The following LHFPL6 variants were observed in gnomAD, a reference collection of about 807,000 sequenced individuals.
LHFPL6 encodes LHFPL tetraspan subfamily member 6 protein.
A neutral mutation model predicts 20.6 loss-of-function variants in LHFPL6; 9 were observed. The ratio of observed to expected loss-of-function variants is 0.44; its 90% confidence interval spans 0.26 to 0.76. LHFPL6 has a LOEUF of 0.76. LHFPL6 is among the 30% of genes least tolerant of loss of function. The pLI is 0.20. For missense variants in LHFPL6, 218 were observed against 253.5 expected (o/e 0.86, Z 0.95); for synonymous variants, 105 against 98.7 (o/e 1.06, Z -0.38).
At chr13:39,426,574 A>AATT (rs1352313970) in intron 2 of LHFPL6, among the ~76,000 whole-genome samples, 1 of 152,168 alleles carries the variant, frequency 6.6e-6, no homozygotes, top group Non-Finnish European at 1.5e-5. Flanking sequence ...AGGTATGTGA[A>AATT]ATTATACAGT....
At chr13:39,370,361 T>C (rs985379643) in intron 3 of LHFPL6, among the ~76,000 whole-genome samples, 1 of 152,226 alleles carries the variant, frequency 6.6e-6, no homozygotes, top group African/African-American at 2.4e-5. Context: ...TCCAGGCTCA[T>C]GCTGGACCTT....
chr13:39,456,467 AC>A (rs1566115558), intron 2 of LHFPL6, among the ~76,000 whole-genome samples: 1 of 152,234 alleles, frequency 6.6e-6, no homozygotes, highest in Non-Finnish European at 1.5e-5. Flanking sequence ...ACAATTCTTC[AC>A]AAAATATTAA....
chr13:39,361,515 A>G (rs1184363), intron 3 of LHFPL6, among the ~76,000 whole-genome samples: 127,610 of 151,904 alleles, frequency 0.84, 54,876 homozygotes, highest in Non-Finnish European at 0.92. Context: ...ATGGGGTTTC[A>G]CCATGTTGGC....
At chr13:39,500,021 T>C (rs1014965967) in intron 2 of LHFPL6, among the ~76,000 whole-genome samples, 1 of 152,004 alleles carries the variant, frequency 6.6e-6, no homozygotes, top group African/African-American at 2.4e-5. Context: ...TTTTTTTTAA[T>C]CAAACTCCTC....
intron 2 of LHFPL6, among the ~76,000 whole-genome samples, chr13:39,529,909 C>A (rs551098276): frequency 6.6e-6 from 1 of 152,124 alleles, no homozygotes; most frequent in South Asian, 2.1e-4. Context: ...AAGTTTTGCA[C>A]GAAGTGTCAA....
At chr13:39,593,422 T>G (rs1368175447) in intron 2 of LHFPL6, among the ~76,000 whole-genome samples, 1 of 152,062 alleles carries the variant, frequency 6.6e-6, no homozygotes, top group African/African-American at 2.4e-5. Flanking sequence ...GTGAAGGACC[T>G]CTTCAAGGAG....
chr13:39,554,858 A>G (rs1187162349), intron 2 of LHFPL6, among the ~76,000 whole-genome samples: 1 of 152,244 alleles, frequency 6.6e-6, no homozygotes, highest in Non-Finnish European at 1.5e-5. Context: ...TTAGTCAAGT[A>G]CTAAAGGTTG....
chr13:39,392,026 T>C (rs1159400985), intron 2 of LHFPL6, among the ~76,000 whole-genome samples: 1 of 152,258 alleles, frequency 6.6e-6, no homozygotes, highest in Non-Finnish European at 1.5e-5. Flanking sequence ...TGTGATGTAC[T>C]GATCAGTCCC....
At chr13:39,576,843 G>C (rs1872132446) in intron 2 of LHFPL6, among the ~76,000 whole-genome samples, 1 of 152,070 alleles carries the variant, frequency 6.6e-6, no homozygotes, top group African/African-American at 2.4e-5. Context: ...TCATTACGTT[G>C]CTTGGGCTCT....
chr13:39,433,555 A>C (rs1162573880), intron 2 of LHFPL6, among the ~76,000 whole-genome samples: 1 of 152,232 alleles, frequency 6.6e-6, no homozygotes, highest in Non-Finnish European at 1.5e-5. Flanking sequence ...GGACATGTAC[A>C]TCTGTTCAAA....
At chr13:39,484,848 T>G (rs1868670605) in intron 2 of LHFPL6, among the ~76,000 whole-genome samples, 1 of 152,230 alleles carries the variant, frequency 6.6e-6, no homozygotes, top group African/African-American at 2.4e-5. Flanking sequence ...GTGTGGCAGA[T>G]GAGTTCCCCA....
chr13:39,439,006 C>T (rs1387584446), intron 2 of LHFPL6, among the ~76,000 whole-genome samples: 1 of 152,124 alleles, frequency 6.6e-6, no homozygotes, highest in Non-Finnish European at 1.5e-5. Flanking sequence ...CCTAGTGGAG[C>T]TGTGAAAAGA....
chr13:39,478,450 G>A (rs1873138034), intron 2 of LHFPL6, among the ~76,000 whole-genome samples: 1 of 152,150 alleles, frequency 6.6e-6, no homozygotes, highest in Non-Finnish European at 1.5e-5. Context: ...CACATTAAAT[G>A]TACTTTGTAT....
chr13:39,400,836 T>C (rs1870972170), intron 2 of LHFPL6, among the ~76,000 whole-genome samples: 1 of 147,732 alleles, frequency 6.8e-6, no homozygotes, highest in Admixed American at 6.7e-5. Flanking sequence ...AATACTCTTA[T>C]ATATCTTCCC....
chr13:39,599,769 G>T (rs1026989511), intron 2 of LHFPL6, among the ~76,000 whole-genome samples: 5 of 152,180 alleles, frequency 3.3e-5, no homozygotes, highest in South Asian at 2.1e-4. Context: ...ATCCATTGGG[G>T]TTCTCTAATA....
At chr13:39,564,781 C>T (rs1300036598) in intron 2 of LHFPL6, among the ~76,000 whole-genome samples, 1 of 152,160 alleles carries the variant, frequency 6.6e-6, no homozygotes, top group African/African-American at 2.4e-5. Flanking sequence ...ACACTACTTC[C>T]ACCTTCTGCC....
chr13:39,517,687 GTTA>G (rs1173349016), intron 2 of LHFPL6, among the ~76,000 whole-genome samples: 1 of 152,064 alleles, frequency 6.6e-6, no homozygotes, highest in Non-Finnish European at 1.5e-5. Flanking sequence ...TTGTCCTGGG[GTTA>G]TTATTATAAT....
chr13:39,567,855 G>T (rs776606701), intron 2 of LHFPL6, among the ~76,000 whole-genome samples: 1 of 152,210 alleles, frequency 6.6e-6, no homozygotes, highest in African/African-American at 2.4e-5. Context: ...AGTGTCTACT[G>T]CTGCTTTCCC....
At chr13:39,382,455 T>A (rs1870467209) in intron 2 of LHFPL6, among the ~76,000 whole-genome samples, 1 of 152,130 alleles carries the variant, frequency 6.6e-6, no homozygotes, top group South Asian at 2.1e-4. Flanking sequence ...CAGGCTGGAG[T>A]GCAGTGGTGT....
Sources: allele counts gnomAD v4.1 joint callset (sites outside exome capture counted in the v4.1 genomes callset), GRCh38; gene constraint gnomAD v4.1.1; transcripts MANE v1.5; gene names NCBI Gene and HGNC (gene_info 2026-07-23, HGNC 2026-07-21).